DCC: variants seen among roughly 807,000 people sequenced by gnomAD.
DCC encodes the protein netrin receptor DCC.
In DCC, 58 loss-of-function variants were observed where a neutral mutation model predicts 172.5. The observed-to-expected ratio is 0.34, with a 90% CI of 0.27 to 0.42. The LOEUF is 0.42. Among genes scored for constraint, DCC ranks in the 10% least tolerant of loss-of-function variants. The probability of loss-of-function intolerance (pLI) is 1.00; values close to 1 mark genes in which losing one functional copy is unlikely to be tolerated. For missense variants in DCC, 1,740 were observed against 1,791.0 expected (o/e 0.97, Z 0.51); for synonymous variants, 709 against 644.5 (o/e 1.10, Z -1.52).
chr18:52,583,552 G>A (rs988343253), intron 1 of DCC, among the ~76,000 whole-genome samples: 7 of 151,884 alleles, frequency 4.6e-5, no homozygotes, highest in Admixed American at 1.3e-4. Flanking sequence ...ATGATAAATT[G>A]CATTATGACC....
chr18:53,037,436 A>T (rs1308667458), intron 5 of DCC, among the ~76,000 whole-genome samples: 1 of 151,980 alleles, frequency 6.6e-6, no homozygotes, highest in Non-Finnish European at 1.5e-5. Context: ...ACATTGAAAG[A>T]AACAGAACCT....
intron 12 of DCC, among the ~76,000 whole-genome samples, chr18:53,285,973 T>C (rs536377412): frequency 6.1e-4 from 93 of 152,358 alleles, no homozygotes; most frequent in Middle Eastern, 6.8e-3. Flanking sequence ...CCATTTGGAA[T>C]GGCTGCATTT....
At chr18:53,378,359 TATAAA>T (rs1175585955) in intron 15 of DCC, among the ~76,000 whole-genome samples, 18 of 152,204 alleles carry the variant, frequency 1.2e-4, no homozygotes, top group Non-Finnish European at 8.8e-5. Context: ...CTAGAGAGCT[TATAAA>T]ATACATAATA....
chr18:53,004,084 T>C (rs1036975791), intron 5 of DCC, among the ~76,000 whole-genome samples: 1 of 152,204 alleles, frequency 6.6e-6, no homozygotes, highest in African/African-American at 2.4e-5. Flanking sequence ...TATTATGTTG[T>C]ATAAAAGTGA....
intron 1 of DCC, among the ~76,000 whole-genome samples, chr18:52,656,298 G>T (rs1454509835): frequency 1.3e-5 from 2 of 151,706 alleles, no homozygotes; most frequent in Non-Finnish European, 2.9e-5. Flanking sequence ...TTATAGCAGA[G>T]ACCTCAGAGA....
intron 2 of DCC, among the ~76,000 whole-genome samples, chr18:52,818,809 A>G (rs2038351047): frequency 6.6e-6 from 1 of 152,246 alleles, no homozygotes; most frequent in South Asian, 2.1e-4. Context: ...AGTAATGGGC[A>G]TCAAAGCCAT....
intron 1 of DCC, among the ~76,000 whole-genome samples, chr18:52,467,677 G>C (rs1422109767): frequency 6.6e-6 from 1 of 152,064 alleles, no homozygotes; most frequent in Non-Finnish European, 1.5e-5. Context: ...GCGTAAAATC[G>C]TTCCTGTTTC....
intron 5 of DCC, among the ~76,000 whole-genome samples, chr18:52,982,762 G>C (rs986527574): frequency 6.6e-6 from 1 of 152,174 alleles, no homozygotes; most frequent in African/African-American, 2.4e-5. Context: ...AAGCATTTGT[G>C]ATAGAAGAGG....
chr18:53,017,003 G>A (rs2041815598), intron 5 of DCC, among the ~76,000 whole-genome samples: 1 of 151,334 alleles, frequency 6.6e-6, no homozygotes, highest in Non-Finnish European at 1.5e-5. Context: ...GTGGTTTATT[G>A]AAGTTCTTAC....
chr18:52,980,671 ATAT>A (rs1296296894), intron 5 of DCC, among the ~76,000 whole-genome samples: 1 of 152,178 alleles, frequency 6.6e-6, no homozygotes, highest in African/African-American at 2.4e-5. Context: ...TAAGTACTAA[ATAT>A]TATGAAAACT....
chr18:53,182,517 A>G (rs1011018834), intron 9 of DCC, among the ~76,000 whole-genome samples: 8 of 152,204 alleles, frequency 5.3e-5, no homozygotes, highest in African/African-American at 1.9e-4. Context: ...CATGTGCAAG[A>G]GAGTTAGCCA....
chr18:52,612,158 A>G (rs552017066), intron 1 of DCC, among the ~76,000 whole-genome samples: 1 of 152,288 alleles, frequency 6.6e-6, no homozygotes, highest in South Asian at 2.1e-4. Flanking sequence ...CTCGAAATTA[A>G]TCTGGTATAA....
chr18:52,886,646 T>A (rs1388677647), intron 2 of DCC, among the ~76,000 whole-genome samples: 2 of 152,156 alleles, frequency 1.3e-5, no homozygotes, highest in African/African-American at 4.8e-5. Flanking sequence ...ACAAAACCTC[T>A]GTTTCCTCTG....
At chr18:52,701,759 T>C (rs1197140983) in intron 1 of DCC, among the ~76,000 whole-genome samples, 2 of 152,174 alleles carry the variant, frequency 1.3e-5, no homozygotes, top group African/African-American at 2.4e-5. Context: ...CTCAGCCCAA[T>C]GCATCGTTCT....
At chr18:52,900,318 T>C (rs915735774) in intron 2 of DCC, among the ~76,000 whole-genome samples, 3 of 152,202 alleles carry the variant, frequency 2.0e-5, no homozygotes, top group Admixed American at 6.5e-5. Flanking sequence ...CAAAGTAACA[T>C]ATAAGTAGAC....
At chr18:52,430,631 C>T (rs375605456) in intron 1 of DCC, among the ~76,000 whole-genome samples, 3 of 152,090 alleles carry the variant, frequency 2.0e-5, no homozygotes, top group Admixed American at 6.6e-5. Context: ...TTCTTACATA[C>T]ATACAAATGA....
chr18:53,521,793 T>A lies in DCC; in HGVS notation c.4112-4824T>A, dbSNP rs145630498. ...AAACATGTTTTTAAAATGAAAAATT[T>A]AAAATAAAATAAATAGGTTTTATGA... On this transcript the variant is annotated intron_variant, in intron 27 of 28. Coordinates refer to ENST00000442544, the MANE Select transcript of DCC (RefSeq NM_005215.4). Among the ~76,000 whole-genome samples the A allele has an allele frequency of 1.9e-3, 294 of 152,210 alleles. 1 individual carries two copies. Among genetic ancestry groups the A allele is most frequent in the African/African-American group, 6.7e-3 (279 of 41,562 alleles).
At chr18:52,569,042 T>C (rs923909137) in intron 1 of DCC, among the ~76,000 whole-genome samples, 1 of 151,936 alleles carries the variant, frequency 6.6e-6, no homozygotes, top group Non-Finnish European at 1.5e-5. Flanking sequence ...TATAATGGAG[T>C]TGTTATATTT....
intron 11 of DCC, among the ~76,000 whole-genome samples, chr18:53,208,867 A>G (rs2055701194): frequency 6.6e-6 from 1 of 152,022 alleles, no homozygotes; most frequent in African/African-American, 2.4e-5. Context: ...AGTACCTGGG[A>G]TTACAGGTGC....
Sources: allele counts gnomAD v4.1 joint callset (sites outside exome capture counted in the v4.1 genomes callset), GRCh38; gene constraint gnomAD v4.1.1; transcripts MANE v1.5; gene names NCBI Gene and HGNC (gene_info 2026-07-23, HGNC 2026-07-21).